CELF4: variants seen among roughly 807,000 people sequenced by gnomAD.
CELF4 encodes the protein CUGBP Elav-like family member 4, also known as CUG-BP- and ETR-3-like factor 4.
CELF4 carries 18 observed loss-of-function variants against 59.9 expected under a neutral mutation model. That is an observed-to-expected ratio of 0.30 (90% confidence interval 0.21 to 0.45). The LOEUF (loss-of-function observed/expected upper bound fraction) is 0.45. CELF4 is among the 20% of genes least tolerant of loss of function. The pLI is 1.00. For missense variants in CELF4, 456 were observed against 689.0 expected, an observed-to-expected ratio of 0.66 and a Z score of 3.79; for synonymous variants, 261 against 267.1, an observed-to-expected ratio of 0.98 and a Z score of 0.22.
chr18:37,279,584 T>A (rs2093859360), intron 3 of CELF4, among the ~76,000 whole-genome samples: 1 of 152,188 alleles, frequency 6.6e-6, no homozygotes, highest in Admixed American at 6.5e-5. Flanking sequence ...CCGGACTCTG[T>A]TCCAAGCATT....
chr18:37,556,785 C>T (rs944062148), intron 1 of CELF4, among the ~76,000 whole-genome samples: 1 of 152,148 alleles, frequency 6.6e-6, no homozygotes, highest in African/African-American at 2.4e-5. Flanking sequence ...ATAAACCAGA[C>T]ATGGATTAAT....
Position 37,565,776 on chromosome 18 carries a change from C to T in CELF4, c.-135G>A. The T allele has an allele frequency of 1.7e-6, 1 of 596,002 alleles. No individual in the cohort carries two copies. The highest frequency in any genetic ancestry group is 2.7e-6 in the Non-Finnish European group (1 of 367,124). 36.9% of individuals were successfully genotyped at this position (596,002 alleles called of 1,614,324 possible). On this transcript the variant is annotated 5_prime_UTR_variant, in exon 1 of 13. Coordinates refer to ENST00000420428, the MANE Select transcript of CELF4 (RefSeq NM_020180.4). Reference sequence around the variant, plus strand: ...CCCCTCGGTTTCTCTACACCTCGCTCTCCGCTCGCTCTCTGCTCTCTCTCT... The same window carrying T: ...CCCCTCGGTTTCTCTACACCTCGCTTTCCGCTCGCTCTCTGCTCTCTCTCT...
At chr18:37,396,717 T>C (rs1278891719) in intron 2 of CELF4, among the ~76,000 whole-genome samples, 1 of 152,136 alleles carries the variant, frequency 6.6e-6, no homozygotes, top group African/African-American at 2.4e-5. Flanking sequence ...GAGTCTATGA[T>C]TGGGGTCAGT....
chr18:37,549,637 T>C (rs571844085), intron 1 of CELF4, among the ~76,000 whole-genome samples: 1 of 152,312 alleles, frequency 6.6e-6, no homozygotes, highest in Non-Finnish European at 1.5e-5. Context: ...CAACTGTACC[T>C]GGTTGCAATA....
intron 2 of CELF4, among the ~76,000 whole-genome samples, chr18:37,371,718 C>T (rs563037005): frequency 6.6e-6 from 1 of 152,306 alleles, no homozygotes; most frequent in East Asian, 1.9e-4. Flanking sequence ...AATGTGACCA[C>T]AGGGCTGGCC....
intron 2 of CELF4, among the ~76,000 whole-genome samples, chr18:37,359,887 T>C (rs1429906350): frequency 6.6e-6 from 1 of 151,052 alleles, no homozygotes; most frequent in African/African-American, 2.4e-5. Context: ...GCTTGCTCTG[T>C]TGCCCAGGCT....
chr18:37,296,992 G>C (rs747612919), intron 3 of CELF4, among the ~76,000 whole-genome samples: 1 of 152,154 alleles, frequency 6.6e-6, no homozygotes, highest in Non-Finnish European at 1.5e-5. Flanking sequence ...GCCAGACTGG[G>C]CAAGCAGCTC....
At chr18:37,399,779 G>A (rs2099302041) in intron 2 of CELF4, among the ~76,000 whole-genome samples, 1 of 152,190 alleles carries the variant, frequency 6.6e-6, no homozygotes, top group Admixed American at 6.5e-5. Flanking sequence ...TCAGTAAGAC[G>A]CTTGCCCATC....
chr18:37,254,478 G>T lies in CELF4; in HGVS notation c.1334-540C>A, dbSNP rs903928108. Among the ~76,000 whole-genome samples, 1 of 151,840 alleles carries T rather than the reference G, an allele frequency of 6.6e-6. No individual in the cohort carries two copies. Among genetic ancestry groups the T allele is most frequent in the Admixed American group, 6.5e-5 (1 of 15,274 alleles). ...GGCCGCCCCCCTCGCCACCGCAGGT[G>T]CCCGGCTGTCGGAGGAGGCCCAGAG... On this transcript the variant is annotated intron_variant, in intron 11 of 12. Transcript: ENST00000420428. The surrounding 1 kb of genome is among the most constrained non-coding windows in gnomAD (Gnocchi z 5.1).
chr18:37,394,795 A>T (rs2099220406), intron 2 of CELF4, among the ~76,000 whole-genome samples: 1 of 152,008 alleles, frequency 6.6e-6, no homozygotes, highest in Admixed American at 6.5e-5. Context: ...CACTCCCCCC[A>T]GACCAGGGCA....
chr18:37,345,384 G>A (rs2098216519), intron 2 of CELF4, among the ~76,000 whole-genome samples: 1 of 152,082 alleles, frequency 6.6e-6, no homozygotes, highest in South Asian at 2.1e-4. Flanking sequence ...AGAACAGAGG[G>A]TAAGACCAGC....
chr18:37,340,553 A>C (rs1025820092), intron 2 of CELF4, among the ~76,000 whole-genome samples: 4 of 152,168 alleles, frequency 2.6e-5, no homozygotes, highest in East Asian at 3.9e-4. Flanking sequence ...TTCACTCAAC[A>C]ACCATTCCTG....
chr18:37,250,571 C>T (rs1478827249), intron 12 of CELF4, among the ~76,000 whole-genome samples: 1 of 152,200 alleles, frequency 6.6e-6, no homozygotes, highest in Non-Finnish European at 1.5e-5. Context: ...AGGCTTCCTG[C>T]CCTTCTGAGC....
At chr18:37,486,476 T>G (rs1317807082) in intron 1 of CELF4, among the ~76,000 whole-genome samples, 1 of 152,150 alleles carries the variant, frequency 6.6e-6, no homozygotes, top group East Asian at 1.9e-4. Flanking sequence ...CCTTTAGGTG[T>G]GGTGACAAGG....
intron 1 of CELF4, among the ~76,000 whole-genome samples, chr18:37,543,786 A>T (rs2099979392): frequency 6.6e-6 from 1 of 152,194 alleles, no homozygotes; most frequent in Non-Finnish European, 1.5e-5. Context: ...TATTGAAAAA[A>T]CAACTGGTCT....
chr18:37,379,812 C>A (rs1442666310), intron 2 of CELF4, among the ~76,000 whole-genome samples: 4 of 152,188 alleles, frequency 2.6e-5, no homozygotes, highest in Admixed American at 2.6e-4. Flanking sequence ...CACTCCTGCT[C>A]TCCCTCCAGC....
At chr18:37,325,889 G>A (rs185891038) in intron 2 of CELF4, among the ~76,000 whole-genome samples, 6 of 152,346 alleles carry the variant, frequency 3.9e-5, no homozygotes, top group Non-Finnish European at 5.9e-5. Context: ...GAGAGGTGCC[G>A]GGCTAGATGG....
At chr18:37,434,120 G>A (rs946323339) in intron 2 of CELF4, among the ~76,000 whole-genome samples, 1 of 152,144 alleles carries the variant, frequency 6.6e-6, no homozygotes, top group Non-Finnish European at 1.5e-5. Flanking sequence ...GAGACGGGAA[G>A]CTGCACATAA....
chr18:37,359,139 G>A (rs1327617784), intron 2 of CELF4, among the ~76,000 whole-genome samples: 1 of 152,084 alleles, frequency 6.6e-6, no homozygotes, highest in Non-Finnish European at 1.5e-5. Flanking sequence ...AACCTGTCAA[G>A]TAAGTGAAAG....
Sources: allele counts gnomAD v4.1 joint callset (sites outside exome capture counted in the v4.1 genomes callset), GRCh38; gene constraint gnomAD v4.1.1; non-coding constraint Gnocchi (gnomAD v3.1); transcripts MANE v1.5; gene names NCBI Gene and HGNC (gene_info 2026-07-23, HGNC 2026-07-21).